NUP210L: variants seen among roughly 807,000 people sequenced by gnomAD.
The protein encoded by NUP210L is nucleoporin 210 like.
NUP210L carries 74 observed loss-of-function variants against 208.5 expected under a neutral mutation model. The observed-to-expected ratio is 0.35, with a 90% confidence interval of 0.29 to 0.43. The LOEUF is 0.43. Among genes scored for constraint, NUP210L ranks in the 20% least tolerant of loss-of-function variants. NUP210L has a pLI of 1.00. For missense variants in NUP210L, 1,843 were observed against 2,289.4 expected (o/e 0.81, Z 3.98); for synonymous variants, 780 against 816.9 (o/e 0.95, Z 0.77).
intron 3 of NUP210L, 126 bp from the exon 4 acceptor site, chr1:154,141,650 G>A (rs1354918882): frequency 1.6e-6 from 1 of 627,030 alleles, no homozygotes; most frequent in Non-Finnish European, 2.9e-6. Context: ...GAAATAGAAA[G>A]CACTATCATT....
intron 6 of NUP210L, 68 bp from the exon 7 acceptor site, chr1:154,136,040 G>C (rs1658528356): frequency 9.5e-7 from 1 of 1,050,612 alleles, no homozygotes; most frequent in Admixed American, 1.8e-5. Context: ...ATGTATTCTT[G>C]ATCATAAAGG....
At chr1:154,012,841 T>TAA (rs200093972) in intron 33 of NUP210L, among the ~76,000 whole-genome samples, 9 of 150,722 alleles carry the variant, frequency 6.0e-5, no homozygotes, top group Admixed American at 5.3e-4. Flanking sequence ...CCGCCTCTAC[T>TAA]AAAAAAAACA....
intron 2 of NUP210L, among the ~76,000 whole-genome samples, chr1:154,148,268 GA>G (rs1186039766): frequency 1.5e-3 from 207 of 139,108 alleles, no homozygotes; most frequent in Admixed American, 4.8e-3. Context: ...CTCGGTCTCA[GA>G]AAAAAAAAAA....
At chr1:154,012,479 T>A in intron 33 of NUP210L, 109 bp from the exon 34 acceptor site, 2 of 1,013,302 alleles carry the variant, frequency 2.0e-6, no homozygotes, top group Non-Finnish European at 1.4e-6. Context: ...TTCACACAAG[T>A]ACAGATTCCA....
At chr1:154,121,837 A>G (rs1657629318) in intron 10 of NUP210L, among the ~76,000 whole-genome samples, 1 of 151,984 alleles carries the variant, frequency 6.6e-6, no homozygotes, top group Non-Finnish European at 1.5e-5. Flanking sequence ...ACTGCTCTCC[A>G]GTCTGGGCAA....
At chr1:154,014,529 T>C (rs952852663) in intron 33 of NUP210L, among the ~76,000 whole-genome samples, 3 of 152,234 alleles carry the variant, frequency 2.0e-5, no homozygotes, top group South Asian at 4.1e-4. Context: ...TCTACCCTTA[T>C]TAATTTTGTA....
At chr1:154,153,021 G>A (rs1396405586) in intron 1 of NUP210L, 149 bp from the exon 2 acceptor site, 2 of 648,914 alleles carry the variant, frequency 3.1e-6, no homozygotes, top group Non-Finnish European at 5.2e-6. Context: ...TTAGGGATGC[G>A]ATAATTAAAC....
rs977711509 is a variant in NUP210L at position 154,065,083 on chromosome 1, AAAT to A, written c.2555-3412_2555-3410del. 2.3e-5 allele frequency among the ~76,000 whole-genome samples: 3 copies of A among 132,794 alleles called. No homozygotes were observed. The Admixed American group carries it at 2.4e-4, about 11-fold the overall frequency. The allele number at this position is 132,794 out of a possible 152,430, so 87.1% of individuals were successfully genotyped here. ...AGAGCGAGATTCCATCTCAGTAAAT[AAAT>A]AAATAAAATAAAATAAAATAAAATA... On this transcript the variant is annotated intron_variant, in intron 17 of 39. Transcript: ENST00000368559.
intron 23 of NUP210L, among the ~76,000 whole-genome samples, chr1:154,055,207 C>T (rs936438597): frequency 1.5e-5 from 2 of 132,632 alleles, no homozygotes; most frequent in African/African-American, 2.7e-5. Context: ...CTTTCTTTCT[C>T]TCTCTCCCTC....
chr1:154,031,202 G>A (rs1652196958), intron 27 of NUP210L, among the ~76,000 whole-genome samples: 1 of 152,062 alleles, frequency 6.6e-6, no homozygotes, highest in Non-Finnish European at 1.5e-5. Context: ...AATTCTCCCT[G>A]TCTCAGTCCC....
chr1:154,055,898 A>G (rs184736096), intron 23 of NUP210L, among the ~76,000 whole-genome samples: 183 of 152,288 alleles, frequency 1.2e-3, no homozygotes, highest in African/African-American at 4.0e-3. Context: ...AACACATATA[A>G]AAGTAGAACA....
exon 27 of NUP210L, chr1:154,046,182 C>T: frequency 1.2e-6 from 2 of 1,614,000 alleles, no homozygotes; most frequent in Non-Finnish European, 1.7e-6. Flanking sequence ...CTGGTTACTC[C>T]CATGACATAA....
chr1:154,147,810 C>T (rs1325920108), intron 2 of NUP210L, among the ~76,000 whole-genome samples: 1 of 151,406 alleles, frequency 6.6e-6, no homozygotes, highest in Non-Finnish European at 1.5e-5. Flanking sequence ...CACACACCAC[C>T]ATGCCTGGCT....
chr1:154,083,040 G>A (rs1181538892), intron 16 of NUP210L, among the ~76,000 whole-genome samples: 1 of 152,216 alleles, frequency 6.6e-6, no homozygotes, highest in Non-Finnish European at 1.5e-5. Flanking sequence ...CATGAAGGTA[G>A]TGTGGACCCA....
intron 33 of NUP210L, among the ~76,000 whole-genome samples, chr1:154,012,984 C>T (rs1651019206): frequency 9.1e-6 from 1 of 109,828 alleles, no homozygotes; most frequent in South Asian, 3.0e-4. Context: ...CCAGCCTGGG[C>T]AACAAGAGTG....
exon 20 of NUP210L, chr1:154,060,572 T>C: frequency 1.2e-6 from 2 of 1,613,470 alleles, no homozygotes; most frequent in South Asian, 1.1e-5. Context: ...ATGTAAGTGA[T>C]GGTGACAACA....
At chr1:154,016,875 A>G (rs1161177459) in intron 33 of NUP210L, among the ~76,000 whole-genome samples, 1 of 152,152 alleles carries the variant, frequency 6.6e-6, no homozygotes, top group African/African-American at 2.4e-5. Flanking sequence ...CTGCAGTGGG[A>G]GGATAGCTTG....
chr1:154,026,848 C>T (rs1347907775), intron 29 of NUP210L, among the ~76,000 whole-genome samples: 2 of 151,858 alleles, frequency 1.3e-5, no homozygotes, highest in Admixed American at 6.6e-5. Context: ...TTTGGGAGGC[C>T]GAGCCGGGAG....
Position 154,022,023 on chromosome 1 carries a change from C to T in NUP210L, c.4516+103G>A, listed in dbSNP as rs748051743. ...GGGCTGAGATTATGGGTATAAACCA[C>T]TATACCAGTCCAAGGGATTAATAAC... is the stretch of plus-strand genomic sequence containing the variant. On this transcript the variant is annotated intron_variant, in intron 32 of 39. Coordinates refer to ENST00000368559, the Ensembl canonical transcript of NUP210L. The T allele has an allele frequency of 1.4e-4, 142 of 1,049,752 alleles. No homozygotes were observed. In the Middle Eastern group the frequency reaches 1.5e-3, roughly 11 times the overall value. The allele number at this position is 1,049,752 out of a possible 1,614,324, so 65.0% of individuals were successfully genotyped here. A position where few individuals can be genotyped will look rare whatever the true frequency, so the allele number is the denominator to read the frequency against.
Sources: gnomAD v4.1 joint callset for allele counts (sites outside exome capture counted in the v4.1 genomes callset) on GRCh38, gnomAD v4.1.1 for gene constraint, MANE v1.5 for transcripts, NCBI Gene and HGNC (gene_info 2026-07-23, HGNC 2026-07-21) for gene names.